Variants in RORB observed in about 807,000 individuals in gnomAD.
RORB encodes the protein nuclear receptor ROR-beta.
Under a neutral mutation model 59.1 loss-of-function variants are expected in RORB, and 6 were observed. That is an observed-to-expected ratio of 0.10 (90% CI 0.06 to 0.20). The LOEUF is 0.20. Among genes scored for constraint, RORB ranks in the 10% least tolerant of loss-of-function variants. The pLI is 1.00. For synonymous variants in RORB, 215 were observed against 204.5 expected, an observed-to-expected ratio of 1.05 and a Z score of -0.44; for missense variants, 320 against 560.5, an observed-to-expected ratio of 0.57 and a Z score of 4.33.
intron 1 of RORB, among the ~76,000 whole-genome samples, chr9:74,568,181 C>G: frequency 6.6e-6 from 1 of 152,090 alleles, no homozygotes; most frequent in East Asian, 1.9e-4. Context: ...AAATTCCGTA[C>G]TGGACAACAC....
chr9:74,533,864 A>T (rs934716948), intron 1 of RORB, among the ~76,000 whole-genome samples: 2 of 152,038 alleles, frequency 1.3e-5, no homozygotes, highest in Admixed American at 6.6e-5. Context: ...AGTTAATGAC[A>T]TTCTTGAAAA....
At chr9:74,677,434 AAAT>A (rs1824462213) in intron 9 of RORB, among the ~76,000 whole-genome samples, 3 of 152,250 alleles carry the variant, frequency 2.0e-5, no homozygotes, top group Admixed American at 6.5e-5. Context: ...TTATATGTTG[AAAT>A]AATAATATTT....
At position 74,687,737 on chromosome 9, in the gene RORB, T is replaced by A. The variant is rs1159289092; in HGVS notation, c.*2119T>A. 6.6e-6 allele frequency: 1 copy of A among 152,206 alleles called. No homozygotes were observed. 9.4% of individuals were successfully genotyped at this position (152,206 alleles called of 1,614,324 possible). A position where few individuals can be genotyped will look rare whatever the true frequency, so the allele number is the denominator to read the frequency against. On this transcript the variant is annotated 3_prime_UTR_variant, in exon 10 of 10. Transcript: ENST00000376896. ...TATAAAGAATTAATTCCCAGAGTCA[T>A]ATTTCCTTCTAATGGAAAGATTACT...
intron 1 of RORB, among the ~76,000 whole-genome samples, chr9:74,588,844 A>T (rs567316235): frequency 6.6e-6 from 1 of 152,144 alleles, no homozygotes; most frequent in Non-Finnish European, 1.5e-5. Context: ...TGAGGAAAAC[A>T]GTTGTATATT....
chr9:74,610,219 C>T (rs1215579445), intron 1 of RORB, among the ~76,000 whole-genome samples: 1 of 152,152 alleles, frequency 6.6e-6, no homozygotes, highest in Non-Finnish European at 1.5e-5. Flanking sequence ...AATAAAAATG[C>T]CTGGTTTCAC....
intron 9 of RORB, among the ~76,000 whole-genome samples, chr9:74,672,937 G>A (rs1824372642): frequency 6.6e-6 from 1 of 152,038 alleles, no homozygotes; most frequent in Non-Finnish European, 1.5e-5. Flanking sequence ...GACTCTATTT[G>A]GAGACACCAT....
intron 1 of RORB, among the ~76,000 whole-genome samples, chr9:74,531,404 A>G (rs984643428): frequency 6.6e-6 from 1 of 151,970 alleles, no homozygotes; most frequent in South Asian, 2.1e-4. Context: ...TTTTCTATGT[A>G]TTATGCCCAA....
chr9:74,568,782 C>A (rs1275431066), intron 1 of RORB, among the ~76,000 whole-genome samples: 2 of 151,422 alleles, frequency 1.3e-5, no homozygotes, highest in East Asian at 3.9e-4. Context: ...AGCATTATCA[C>A]CTAGAGTGAA....
intron 1 of RORB, among the ~76,000 whole-genome samples, chr9:74,608,398 T>C (rs1298890357): frequency 6.6e-6 from 1 of 151,890 alleles, no homozygotes; most frequent in Non-Finnish European, 1.5e-5. Flanking sequence ...ACCCCGTCTC[T>C]ACTAAAAAGA....
chr9:74,638,454 G>A (rs1487835312), intron 3 of RORB, among the ~76,000 whole-genome samples: 1 of 152,168 alleles, frequency 6.6e-6, no homozygotes, highest in African/African-American at 2.4e-5. Flanking sequence ...ATAAGCACTT[G>A]CAATGTATAC....
intron 1 of RORB, among the ~76,000 whole-genome samples, chr9:74,598,352 G>A (rs1302116684): frequency 6.6e-6 from 1 of 152,066 alleles, no homozygotes; most frequent in Non-Finnish European, 1.5e-5. Flanking sequence ...ATTCCCCTGT[G>A]AAGATCCTAA....
intron 1 of RORB, among the ~76,000 whole-genome samples, chr9:74,538,758 G>C (rs746620187): frequency 1.3e-5 from 2 of 151,462 alleles, no homozygotes; most frequent in Middle Eastern, 3.2e-3. Context: ...TAAAAGGAAG[G>C]GTTAAATAGT....
At chr9:74,601,498 A>G (rs920014624) in intron 1 of RORB, among the ~76,000 whole-genome samples, 1 of 151,938 alleles carries the variant, frequency 6.6e-6, no homozygotes, top group Non-Finnish European at 1.5e-5. Context: ...TTATCATGTC[A>G]GAGATATTTT....
chr9:74,611,138 T>A (rs1823226122), intron 1 of RORB, among the ~76,000 whole-genome samples: 1 of 152,136 alleles, frequency 6.6e-6, no homozygotes, highest in Admixed American at 6.5e-5. Context: ...GAAAAGTGCA[T>A]AATAGCTGCT....
intron 4 of RORB, 93 bp downstream of exon 4, chr9:74,642,908 A>T (rs1389644441): frequency 6.7e-6 from 6 of 897,686 alleles, no homozygotes; most frequent in Non-Finnish European, 9.8e-6. Flanking sequence ...TTAAGACTTA[A>T]ATTGAATTAC....
chr9:74,599,757 A>G (rs1242903383), intron 1 of RORB, among the ~76,000 whole-genome samples: 1 of 152,040 alleles, frequency 6.6e-6, no homozygotes, highest in South Asian at 2.1e-4. Context: ...CAGAACTCTG[A>G]CTCCATGCCC....
intron 1 of RORB, among the ~76,000 whole-genome samples, chr9:74,629,330 C>A (rs192420480): frequency 6.6e-6 from 1 of 151,510 alleles, no homozygotes; most frequent in African/African-American, 2.4e-5. Context: ...TCGTTGATTC[C>A]TTATGGCCAG....
intron 1 of RORB, among the ~76,000 whole-genome samples, chr9:74,625,829 G>A (rs1823502797): frequency 6.6e-6 from 1 of 152,124 alleles, no homozygotes; most frequent in Admixed American, 6.5e-5. Context: ...TGTAAGAGTT[G>A]GAAGGGTGAG....
At chr9:74,677,197 G>A (rs1824458084) in intron 9 of RORB, among the ~76,000 whole-genome samples, 1 of 152,194 alleles carries the variant, frequency 6.6e-6, no homozygotes, top group Non-Finnish European at 1.5e-5. Context: ...AAAAAGTCCA[G>A]CTTTCCCCAT....
Sources: allele counts gnomAD v4.1 joint callset (sites outside exome capture counted in the v4.1 genomes callset), GRCh38; gene constraint gnomAD v4.1.1; transcripts MANE v1.5; gene names NCBI Gene and HGNC (gene_info 2026-07-23, HGNC 2026-07-21).